The following TMC7 variants were observed in gnomAD, a reference collection of about 807,000 sequenced individuals.
The protein encoded by TMC7 is transmembrane channel-like protein 7.
A neutral mutation model predicts 82.9 loss-of-function variants in TMC7; 54 were observed. That is an observed-to-expected ratio of 0.65 (90% CI 0.52 to 0.82). TMC7 has a LOEUF of 0.82. TMC7 is among the 40% of genes least tolerant of loss of function. The pLI, the probability that TMC7 is intolerant of heterozygous loss-of-function variation, is 0.00. For missense variants in TMC7, 820 were observed against 901.2 expected (o/e 0.91, Z 1.15); for synonymous variants, 350 against 337.9 (o/e 1.04, Z -0.39).
intron 4 of TMC7, 145 bp downstream of exon 4, chr16:19,021,941 G>T: frequency 1.0e-6 from 1 of 968,394 alleles, no homozygotes; most frequent in Non-Finnish European, 1.5e-6. Flanking sequence ...GCAGAAACAA[G>T]TGACCCCATA....
chr16:18,991,709 G>GT (rs1312313594), intron 1 of TMC7, among the ~76,000 whole-genome samples: 5 of 152,064 alleles, frequency 3.3e-5, no homozygotes, highest in African/African-American at 1.2e-4. Flanking sequence ...TACATTAGGT[G>GT]TATCTCCTAA....
chr16:19,016,101 T>C (rs1959674648), intron 2 of TMC7, among the ~76,000 whole-genome samples: 1 of 152,090 alleles, frequency 6.6e-6, no homozygotes, highest in African/African-American at 2.4e-5. Context: ...TTTTCTTTTC[T>C]TTCTTTTTTT....
chr16:19,058,238 T>C (rs1171479376), intron 14 of TMC7, among the ~76,000 whole-genome samples: 1 of 151,940 alleles, frequency 6.6e-6, no homozygotes, highest in East Asian at 1.9e-4. Context: ...CTAAAAAATA[T>C]ATAAAATTAG....
chr16:19,031,771 T>C (rs2142241418), intron 6 of TMC7, among the ~76,000 whole-genome samples: 1 of 152,340 alleles, frequency 6.6e-6, no homozygotes, highest in South Asian at 2.1e-4. Context: ...ATTCATCTTA[T>C]AGTATTCTAG....
At position 19,045,144 on chromosome 16, in the gene TMC7, C is replaced by G. The variant is rs551134007; in HGVS notation, c.1455+143C>G. On this transcript the variant is annotated intron_variant, in intron 10 of 15. Coordinates refer to ENST00000304381, the MANE Select transcript of TMC7 (RefSeq NM_024847.4). The stretch of plus-strand genomic sequence containing the variant: ...CTAGTGATGAGACAGAGTCTGGCCC[C>G]ATGGAGTCTAACCCCAGGCACTTCT... 1.8e-4 allele frequency: 160 copies of G among 865,292 alleles called. No homozygotes were observed. The African/African-American group carries it at 2.0e-3, about 11-fold the overall frequency. The allele number at this position is 865,292 out of a possible 1,614,324, so 53.6% of individuals were successfully genotyped here. A position where few individuals can be genotyped will look rare whatever the true frequency, so the allele number is the denominator to read the frequency against.
Position 19,045,388 on chromosome 16 carries a change from C to T in TMC7, c.1503C>T (p.Phe501=), listed in dbSNP as rs757524130. ...AGGAAATGTACAAGCTGATGATCTT[C>T]GACTTCATCATCATCTTGGCTGTGA... ...VGQEMYKLMI[F]DFIIILAVTL... The change falls in exon 11 of 16, where the codon TTC becomes TTT. Residue 501 remains phenylalanine (F), a synonymous_variant. Transcript: ENST00000304381. The T allele has an allele frequency of 6.2e-6, 10 of 1,613,800 alleles. No individual in the cohort carries two copies. Among genetic ancestry groups the T allele is most frequent in the Admixed American group, 1.7e-5 (1 of 59,940 alleles).
intron 4 of TMC7, 50 bp from the exon 5 acceptor site, chr16:19,023,063 A>G (rs757363195): frequency 8.3e-7 from 1 of 1,206,766 alleles, no homozygotes; most frequent in South Asian, 1.3e-5. Context: ...CAGGCAGGTT[A>G]TAGAGACTAA....
At chr16:19,050,212 A>C (rs1596792395) in intron 12 of TMC7, among the ~76,000 whole-genome samples, 1 of 151,978 alleles carries the variant, frequency 6.6e-6, no homozygotes, top group East Asian at 1.9e-4. Context: ...TCTACTAAAA[A>C]TACAAAAAAT....
chr16:19,022,892 T>C (rs576463421), intron 4 of TMC7, among the ~76,000 whole-genome samples: 1 of 152,056 alleles, frequency 6.6e-6, no homozygotes, highest in East Asian at 1.9e-4. Flanking sequence ...TGGTGGTGAA[T>C]GCCTATGATC....
chr16:19,022,757 G>C (rs753319167), intron 4 of TMC7, among the ~76,000 whole-genome samples: 5 of 152,308 alleles, frequency 3.3e-5, no homozygotes, highest in African/African-American at 4.8e-5. Context: ...GGCCGGGTCC[G>C]GGGGCTCACG....
intron 5 of TMC7, among the ~76,000 whole-genome samples, chr16:19,028,362 A>G (rs937669020): frequency 3.4e-5 from 5 of 148,178 alleles, no homozygotes; most frequent in Admixed American, 1.4e-4. Context: ...TGGCGAGACC[A>G]TATCTCTACT....
In TMC7 at chr16:19,050,567, C is replaced by T. The variant is rs573825522; in HGVS notation, c.1741-1119C>T. Among the ~76,000 whole-genome samples, 24 of 152,106 alleles carry T rather than the reference C, an allele frequency of 1.6e-4. No homozygotes were observed. In the East Asian group the frequency reaches 4.1e-3, roughly 26 times the overall value. On this transcript the variant is annotated intron_variant, in intron 12 of 15. Coordinates refer to ENST00000304381, the MANE Select transcript of TMC7 (RefSeq NM_024847.4). ...CACAGTAGCATGATACAGCTCACTA[C>T]AGCCTCAACCTCCTGGGCTCAATCC...
chr16:19,012,522 C>T (rs1477368231), intron 2 of TMC7, among the ~76,000 whole-genome samples: 1 of 151,918 alleles, frequency 6.6e-6, no homozygotes, highest in Non-Finnish European at 1.5e-5. Context: ...GGTGCGGTGG[C>T]TCATGCCTGC....
intron 14 of TMC7, among the ~76,000 whole-genome samples, chr16:19,059,178 A>T (rs555592841): frequency 1.4e-4 from 21 of 152,074 alleles, no homozygotes; most frequent in Admixed American, 1.3e-3. Flanking sequence ...GCGCCCGGCC[A>T]TATTTTATTT....
chr16:19,052,896 A>G (rs1191266473), intron 13 of TMC7, among the ~76,000 whole-genome samples: 1 of 152,138 alleles, frequency 6.6e-6, no homozygotes, highest in Non-Finnish European at 1.5e-5. Flanking sequence ...TATTTTTAGT[A>G]GAGACAGGGT....
intron 1 of TMC7, among the ~76,000 whole-genome samples, chr16:18,987,502 G>A (rs12444151): frequency 0.069 from 10,405 of 151,818 alleles, 451 homozygotes; most frequent in South Asian, 0.13. Context: ...GTAGAAACGG[G>A]CTTTCACTAT....
chr16:19,054,240 A>AGCCAATAAAGGCAC (rs1961666592), intron 13 of TMC7, among the ~76,000 whole-genome samples: 1 of 151,994 alleles, frequency 6.6e-6, no homozygotes, highest in South Asian at 2.1e-4. Flanking sequence ...CATTTTGAAA[A>AGCCAATAAAGGCAC]AGTTTAAATC....
At chr16:19,026,751 A>C (rs1960250751) in intron 5 of TMC7, among the ~76,000 whole-genome samples, 1 of 151,920 alleles carries the variant, frequency 6.6e-6, no homozygotes, top group African/African-American at 2.4e-5. Context: ...ATAACAATGG[A>C]ACCACTAACT....
At chr16:18,992,077 A>G (rs1017918689) in intron 1 of TMC7, among the ~76,000 whole-genome samples, 1 of 152,212 alleles carries the variant, frequency 6.6e-6, no homozygotes, top group African/African-American at 2.4e-5. Flanking sequence ...GTGTCTTTAT[A>G]GCAGCATGAT....
Sources: gnomAD v4.1 joint callset for allele counts (sites outside exome capture counted in the v4.1 genomes callset) on GRCh38, gnomAD v4.1.1 for gene constraint, MANE v1.5 for transcripts, NCBI Gene and HGNC (gene_info 2026-07-23, HGNC 2026-07-21) for gene names.